Variants in B3GALT1 observed in about 807,000 individuals in gnomAD.
The protein encoded by B3GALT1 is UDP-Gal:betaGlcNAc beta 1,3-galactosyltransferase, polypeptide 1.
Under a neutral mutation model 23.2 loss-of-function variants are expected in B3GALT1, and 10 were observed. That is an observed-to-expected ratio of 0.43 (90% CI 0.27 to 0.73). The LOEUF (loss-of-function observed/expected upper bound fraction) is 0.73, where lower values mean the gene tolerates loss of function less well. Ranked by LOEUF, B3GALT1 falls within the 30% of genes least tolerant of loss-of-function variation. The probability of loss-of-function intolerance (pLI) is 0.21; values close to 1 mark genes in which losing one functional copy is unlikely to be tolerated. For missense variants in B3GALT1, 299 were observed against 405.4 expected, an observed-to-expected ratio of 0.74 and a Z score of 2.25; for synonymous variants, 156 against 141.5, an observed-to-expected ratio of 1.10 and a Z score of -0.73.
At chr2:167,490,059 G>A (rs1699684402) in intron 1 of B3GALT1, 118 bp from the exon 2 acceptor site, 1 of 152,170 alleles carries the variant, frequency 6.6e-6, no homozygotes, top group Non-Finnish European at 1.5e-5. Flanking sequence ...ATAATTTGAT[G>A]TAAGATATGT....
At chr2:167,567,797 G>T (rs949165967) in intron 2 of B3GALT1, among the ~76,000 whole-genome samples, 1 of 151,944 alleles carries the variant, frequency 6.6e-6, no homozygotes, top group African/African-American at 2.4e-5. Context: ...ACATCCCATG[G>T]GTTTAGACAC....
chr2:167,864,617 A>G (rs963458418), intron 4 of B3GALT1, among the ~76,000 whole-genome samples: 1 of 152,178 alleles, frequency 6.6e-6, no homozygotes, highest in Admixed American at 6.5e-5. Context: ...GCAGCCTGAG[A>G]TGCTCCCTGA....
chr2:167,638,982 C>T (rs1685607420), intron 2 of B3GALT1, among the ~76,000 whole-genome samples: 1 of 152,020 alleles, frequency 6.6e-6, no homozygotes, highest in East Asian at 1.9e-4. Context: ...TTTTTAATTC[C>T]ATTGGCCTGC....
At chr2:167,658,935 T>C (rs1019952897) in intron 3 of B3GALT1, among the ~76,000 whole-genome samples, 2 of 152,114 alleles carry the variant, frequency 1.3e-5, no homozygotes, top group East Asian at 3.8e-4. Flanking sequence ...TATATGATTT[T>C]TATCATAAAG....
At position 167,430,254 on chromosome 2, in the gene B3GALT1, G is replaced by A. The variant is rs145961616; in HGVS notation, c.-510-59923G>A. On this transcript the variant is annotated intron_variant, in intron 1 of 4. Coordinates refer to ENST00000392690, the MANE Select transcript of B3GALT1 (RefSeq NM_020981.4). Reference sequence around the variant, plus strand: ...TTTATGATTGTCTAAGGAACCATGCGGTGACCAGTTTGGCTGAAGAAAGGG... The same window carrying A: ...TTTATGATTGTCTAAGGAACCATGCAGTGACCAGTTTGGCTGAAGAAAGGG... Among the ~76,000 whole-genome samples, 421 of 152,252 alleles carry A rather than the reference G, an allele frequency of 2.8e-3. 3 individuals carry two copies. Among genetic ancestry groups the A allele is most frequent in the East Asian group, 0.018 (92 of 5,166 alleles).
At chr2:167,366,490 T>C (rs994470441) in intron 1 of B3GALT1, among the ~76,000 whole-genome samples, 1 of 152,154 alleles carries the variant, frequency 6.6e-6, no homozygotes, top group Non-Finnish European at 1.5e-5. Flanking sequence ...AACCTGATTA[T>C]AAATGGTGAA....
chr2:167,677,672 A>T (rs1052175488), intron 3 of B3GALT1, among the ~76,000 whole-genome samples: 4 of 151,026 alleles, frequency 2.6e-5, no homozygotes, highest in East Asian at 3.9e-4. Flanking sequence ...CTGCCTTTGT[A>T]TTTTTTTTTC....
intron 1 of B3GALT1, among the ~76,000 whole-genome samples, chr2:167,469,377 T>G (rs142403585): frequency 1.5e-3 from 232 of 152,326 alleles, no homozygotes; most frequent in African/African-American, 5.2e-3. Context: ...CTTAGAATAG[T>G]GCCTGACACA....
intron 3 of B3GALT1, among the ~76,000 whole-genome samples, chr2:167,726,904 A>AT (rs1687325706): frequency 1.3e-5 from 2 of 152,196 alleles, no homozygotes; most frequent in Admixed American, 1.3e-4. Context: ...GCACTTCATC[A>AT]TTTTTATGTC....
chr2:167,568,362 A>T (rs1558909716), intron 2 of B3GALT1, among the ~76,000 whole-genome samples: 2 of 152,094 alleles, frequency 1.3e-5, no homozygotes, highest in Non-Finnish European at 2.9e-5. Context: ...AGTAGCAATG[A>T]ATGAGAGTTC....
intron 2 of B3GALT1, among the ~76,000 whole-genome samples, chr2:167,511,060 C>T (rs1224252103): frequency 3.3e-5 from 5 of 152,102 alleles, no homozygotes; most frequent in Non-Finnish European, 5.9e-5. Flanking sequence ...ATTTCCATTT[C>T]AGTAATTTGC....
chr2:167,835,481 G>A lies in B3GALT1; in HGVS notation c.-230+16688G>A, dbSNP rs187968507. On this transcript the variant is annotated intron_variant, in intron 4 of 4. Coordinates refer to ENST00000392690, the MANE Select transcript of B3GALT1 (RefSeq NM_020981.4). Reference sequence around the variant, plus strand: ...GCAAAGTGGCAGCGAGGCTGGGGGAGGGGCACCCACCATTGCCCATGCTTG... The same window carrying A: ...GCAAAGTGGCAGCGAGGCTGGGGGAAGGGCACCCACCATTGCCCATGCTTG... Among the ~76,000 whole-genome samples, 780 of 152,342 alleles carry A rather than the reference G, an allele frequency of 5.1e-3. 7 individuals are homozygous for A. Among genetic ancestry groups the A allele is most frequent in the African/African-American group, 0.018 (732 of 41,582 alleles).
intron 1 of B3GALT1, among the ~76,000 whole-genome samples, chr2:167,420,792 A>G (rs1698535361): frequency 6.6e-6 from 1 of 152,212 alleles, no homozygotes; most frequent in Non-Finnish European, 1.5e-5. Context: ...TTTTTGAGGG[A>G]CAAATGATGC....
intron 1 of B3GALT1, among the ~76,000 whole-genome samples, chr2:167,443,767 G>A (rs1478225585): frequency 1.3e-5 from 2 of 152,172 alleles, no homozygotes; most frequent in East Asian, 1.9e-4. Context: ...GAGATTTTGG[G>A]CTGAGACGAT....
intron 4 of B3GALT1, among the ~76,000 whole-genome samples, chr2:167,821,825 A>G (rs1038981873): frequency 1.5e-4 from 23 of 152,214 alleles, no homozygotes; most frequent in African/African-American, 5.5e-4. Flanking sequence ...CTTTACAGGA[A>G]GTACATCTGT....
chr2:167,640,259 T>A (rs967798926), intron 2 of B3GALT1, among the ~76,000 whole-genome samples: 1 of 152,068 alleles, frequency 6.6e-6, no homozygotes, highest in Non-Finnish European at 1.5e-5. Context: ...TGCCTCAGAA[T>A]TGGGAAAGTG....
intron 3 of B3GALT1, among the ~76,000 whole-genome samples, chr2:167,750,215 A>G (rs1687714111): frequency 1.3e-5 from 2 of 152,218 alleles, no homozygotes; most frequent in African/African-American, 4.8e-5. Flanking sequence ...AGATATTTAT[A>G]AGCATGGCTT....
In B3GALT1 at chr2:167,715,486, G is replaced by C. The variant is rs183493170; in HGVS notation, c.-352+68520G>C. ...CTTCAGTCATTGGAAGAATCTTGCA[G>C]ATGATTTTGGCTTCAGCTATTTGTG... On this transcript the variant is annotated intron_variant, in intron 3 of 4. Transcript: ENST00000392690. 4.0e-4 allele frequency: 641 copies of C among 1,608,602 alleles called. 4 individuals carry two copies. The African/African-American group carries it at 7.9e-3, about 20-fold the overall frequency.
intron 1 of B3GALT1, among the ~76,000 whole-genome samples, chr2:167,468,322 T>C (rs183045648): frequency 6.6e-6 from 1 of 152,240 alleles, no homozygotes; most frequent in Non-Finnish European, 1.5e-5. Context: ...TACATAATAC[T>C]CTTTCTCGTA....
Sources: gnomAD v4.1 joint callset for allele counts (sites outside exome capture counted in the v4.1 genomes callset) on GRCh38, gnomAD v4.1.1 for gene constraint, MANE v1.5 for transcripts, NCBI Gene and HGNC (gene_info 2026-07-23, HGNC 2026-07-21) for gene names.